TMEM132C: variants seen among roughly 807,000 people sequenced by gnomAD.
The protein encoded by TMEM132C is transmembrane protein 132C.
TMEM132C carries 29 observed loss-of-function variants against 61.4 expected under a neutral mutation model. The ratio of observed to expected loss-of-function variants is 0.47; its 90% CI spans 0.35 to 0.64. The LOEUF (loss-of-function observed/expected upper bound fraction) is 0.64. Ranked by LOEUF, TMEM132C falls within the 30% of genes least tolerant of loss-of-function variation. The pLI, the probability that TMEM132C is intolerant of heterozygous loss-of-function variation, is 0.00. For missense variants in TMEM132C, 1,408 were observed against 1,476.9 expected (o/e 0.95, Z 0.76); for synonymous variants, 656 against 633.1 (o/e 1.04, Z -0.54).
intron 2 of TMEM132C, among the ~76,000 whole-genome samples, chr12:128,489,095 C>A (rs954512674): frequency 6.6e-6 from 1 of 152,090 alleles, no homozygotes; most frequent in African/African-American, 2.4e-5. Flanking sequence ...CAGGACTGGT[C>A]CCCGGGCAGT....
chr12:128,705,648 A>G lies in TMEM132C; in HGVS notation c.2680A>G (p.Asn894Asp), dbSNP rs887854927. Reference sequence around the variant, plus strand: ...GCAGAACATCCCCATTGACTTCACCAACTTCCCTGCCCACGTGGACCTCCC... The same window carrying G: ...GCAGAACATCCCCATTGACTTCACCGACTTCCCTGCCCACGTGGACCTCCC... Reference protein sequence around the residue: ...QLQNIPIDFTNFPAHVDLPKA... With the variant: ...QLQNIPIDFTDFPAHVDLPKA... Residue 894 changes from asparagine to aspartate, a missense_variant, in exon 9 of 9, where the codon AAC (asparagine) becomes GAC (aspartate). Physicochemically the swap from Asn to Asp is conservative, Grantham distance 23. Coordinates refer to ENST00000435159, the MANE Select transcript of TMEM132C (RefSeq NM_001136103.3). The G allele has an allele frequency of 6.4e-7, 1 of 1,551,052 alleles. No homozygotes were observed. Among genetic ancestry groups the G allele is most frequent in the Middle Eastern group, 1.7e-4 (1 of 5,992 alleles).
chr12:128,591,572 A>G (rs996872830), intron 3 of TMEM132C, among the ~76,000 whole-genome samples: 3 of 152,158 alleles, frequency 2.0e-5, no homozygotes, highest in Non-Finnish European at 2.9e-5. Context: ...AGAGGTTTTT[A>G]TGCAGAGATA....
At chr12:128,269,771 A>G (rs1439775755) in intron 1 of TMEM132C, among the ~76,000 whole-genome samples, 2 of 151,796 alleles carry the variant, frequency 1.3e-5, no homozygotes, top group African/African-American at 2.4e-5. Context: ...ACCGTAAGAT[A>G]TCTTCTAGAG....
intron 4 of TMEM132C, among the ~76,000 whole-genome samples, chr12:128,652,816 T>C (rs1954285575): frequency 6.6e-6 from 1 of 152,208 alleles, no homozygotes; most frequent in South Asian, 2.1e-4. Context: ...ATCCACGGGA[T>C]TATTCTAACT....
intron 8 of TMEM132C, among the ~76,000 whole-genome samples, chr12:128,701,062 G>A (rs975918891): frequency 5.9e-5 from 9 of 152,136 alleles, no homozygotes; most frequent in African/African-American, 2.2e-4. Flanking sequence ...CTGTATGCCG[G>A]TCTAGAAAGG....
At chr12:128,679,867 A>G (rs1954619982) in intron 5 of TMEM132C, among the ~76,000 whole-genome samples, 1 of 152,206 alleles carries the variant, frequency 6.6e-6, no homozygotes, top group Non-Finnish European at 1.5e-5. Flanking sequence ...GGACGAGGAG[A>G]GGATTCACAG....
intron 3 of TMEM132C, among the ~76,000 whole-genome samples, chr12:128,604,778 T>C (rs946845979): frequency 1.3e-5 from 2 of 151,674 alleles, no homozygotes; most frequent in African/African-American, 4.8e-5. Flanking sequence ...GATGGATAGA[T>C]AGATAATGAA....
chr12:128,455,505 G>A (rs140337983), intron 2 of TMEM132C, among the ~76,000 whole-genome samples: 92 of 152,322 alleles, frequency 6.0e-4, no homozygotes, highest in African/African-American at 1.8e-3. Flanking sequence ...CTTATTCATC[G>A]TGAGAGAAAC....
intron 1 of TMEM132C, among the ~76,000 whole-genome samples, chr12:128,363,343 C>T (rs1518382): frequency 0.021 from 3,226 of 152,346 alleles, 119 homozygotes; most frequent in African/African-American, 0.074. Flanking sequence ...ATTTTACTTT[C>T]TGTTTGAAGT....
At position 128,302,467 on chromosome 12, in the gene TMEM132C, C is replaced by G. The variant is rs567478791; in HGVS notation, c.85+34980C>G. Among the ~76,000 whole-genome samples, 376 of 152,308 alleles carry G rather than the reference C, an allele frequency of 2.5e-3. 2 individuals are homozygous for G. Among genetic ancestry groups the G allele is most frequent in the Non-Finnish European group, 4.7e-3 (317 of 68,038 alleles). On this transcript the variant is annotated intron_variant, in intron 1 of 8. Transcript: ENST00000435159. ...CTTTTCATTCCTCTCTGAAATGCCA[C>G]TAAATGGACTCAGATGCCAAAATAT...
chr12:128,343,482 A>G (rs755858079), intron 1 of TMEM132C, among the ~76,000 whole-genome samples: 6 of 151,706 alleles, frequency 4.0e-5, no homozygotes, highest in Admixed American at 3.3e-4. Context: ...AAGTAACTCT[A>G]TACTGTTACC....
At chr12:128,594,683 G>T (rs1219024611) in intron 3 of TMEM132C, among the ~76,000 whole-genome samples, 1 of 152,170 alleles carries the variant, frequency 6.6e-6, no homozygotes, top group Non-Finnish European at 1.5e-5. Flanking sequence ...CAACAAGGAT[G>T]ATGTTTTCCA....
chr12:128,547,659 G>T (rs11059763), intron 3 of TMEM132C, among the ~76,000 whole-genome samples: 8,534 of 152,072 alleles, frequency 0.056, 314 homozygotes, highest in Middle Eastern at 0.089. Context: ...TGTGTTTTCA[G>T]ATCTTGGCCA....
rs1199382398 is a variant in TMEM132C, at chr12:128,622,355, AAAAAAATATATATATAT to A, written c.1305+6022_1305+6038del. On this transcript the variant is annotated intron_variant, in intron 4 of 8. Transcript: ENST00000435159. ...TGAGACTTTGTCTCAAAAAAAAAAAAAAAAAATATATATATATATATATATATATATATATATATATA... is the reference window on the plus strand; with the variant it reads ...TGAGACTTTGTCTCAAAAAAAAAAAAATATATATATATATATATATATATA... 9.6e-4 allele frequency among the ~76,000 whole-genome samples: 60 copies of A among 62,790 alleles called. 4 individuals carry two copies. Among genetic ancestry groups the A allele is most frequent in the African/African-American group, 4.5e-3 (48 of 10,784 alleles). The allele number at this position is 62,790 out of a possible 152,430, so 41.2% of individuals were successfully genotyped here. A position where few individuals can be genotyped will look rare whatever the true frequency, so the allele number is the denominator to read the frequency against.
intron 1 of TMEM132C, among the ~76,000 whole-genome samples, chr12:128,277,181 T>C (rs889565628): frequency 6.6e-6 from 1 of 152,080 alleles, no homozygotes; most frequent in Non-Finnish European, 1.5e-5. Flanking sequence ...ATGCCAAAAC[T>C]CCCAGCTTAA....
intron 1 of TMEM132C, among the ~76,000 whole-genome samples, chr12:128,312,078 T>G (rs1593006858): frequency 1.3e-5 from 2 of 152,138 alleles, no homozygotes; most frequent in East Asian, 1.9e-4. Context: ...CGGCTGGAGG[T>G]GCCCTAAGGA....
At chr12:128,533,655 C>G (rs1205168998) in intron 2 of TMEM132C, among the ~76,000 whole-genome samples, 2 of 152,064 alleles carry the variant, frequency 1.3e-5, no homozygotes, top group African/African-American at 4.8e-5. Flanking sequence ...GAATTGGAGC[C>G]CAGACTAATG....
intron 2 of TMEM132C, among the ~76,000 whole-genome samples, chr12:128,456,567 C>T (rs1007986310): frequency 1.4e-4 from 21 of 151,250 alleles, no homozygotes; most frequent in East Asian, 1.9e-4. Context: ...CTACCGTGCC[C>T]GGCTAATTTT....
intron 1 of TMEM132C, among the ~76,000 whole-genome samples, chr12:128,347,664 G>A (rs1019890278): frequency 2.0e-5 from 3 of 152,196 alleles, no homozygotes; most frequent in African/African-American, 7.2e-5. Flanking sequence ...CCGAGGTCAG[G>A]TGATCCACCC....
Sources: allele counts gnomAD v4.1 joint callset (sites outside exome capture counted in the v4.1 genomes callset), GRCh38; gene constraint gnomAD v4.1.1; transcripts MANE v1.5; gene names NCBI Gene and HGNC (gene_info 2026-07-23, HGNC 2026-07-21).